The following PCDHGB5 variants were observed in gnomAD, a reference collection of about 807,000 sequenced individuals.
The protein encoded by PCDHGB5 is protocadherin gamma subfamily B, 5, also known as protocadherin gamma-B5.
A neutral mutation model predicts 62.9 loss-of-function variants in PCDHGB5; 48 were observed. That is an observed-to-expected ratio of 0.76 (90% CI 0.61 to 0.97). PCDHGB5 has a LOEUF of 0.97. Ranked by LOEUF, PCDHGB5 falls within the 50% of genes least tolerant of loss-of-function variation. The probability of loss-of-function intolerance (pLI) is 0.00; values close to 1 mark genes in which losing one functional copy is unlikely to be tolerated. For missense variants in PCDHGB5, 1,118 were observed against 1,198.6 expected, an observed-to-expected ratio of 0.93 and a Z score of 0.99; for synonymous variants, 474 against 511.2, an observed-to-expected ratio of 0.93 and a Z score of 0.98.
rs766083208 is a variant in PCDHGB5, at chr5:141,477,506, G to A, written c.2398-17301G>A. 1.9e-6 allele frequency: 3 copies of A among 1,614,028 alleles called. No homozygotes were observed. Among genetic ancestry groups the A allele is most frequent in the South Asian group, 2.2e-5 (2 of 91,076 alleles). ...ACAATCTTCTCAATCTTCCTACGAC[G>A]TTTACATTGAAGAAAACAACCTCCC... On this transcript the variant is annotated intron_variant, in intron 1 of 3. Transcript: ENST00000617380. This position sits in a 1 kb window ranked among gnomAD's most constrained non-coding sequence, Gnocchi z 4.9.
intron 1 of PCDHGB5, chr5:141,484,875 T>G: frequency 3.2e-6 from 1 of 317,108 alleles, no homozygotes; most frequent in Non-Finnish European, 5.8e-6. Context: ...GCGTGGAGGA[T>G]AGGGTGGGCT....
At chr5:141,496,021 G>T (rs1011612662) in intron 2 of PCDHGB5, among the ~76,000 whole-genome samples, 2 of 151,336 alleles carry the variant, frequency 1.3e-5, no homozygotes, top group African/African-American at 4.9e-5. Flanking sequence ...TTTTCTCTGA[G>T]CCTCTGTCTC....
chr5:141,409,750 G>T, intron 1 of PCDHGB5: 1 of 1,613,016 alleles, frequency 6.2e-7, no homozygotes, highest in South Asian at 1.1e-5. Context: ...TGGTGTTCGC[G>T]CAGCGCGCCT....
At chr5:141,405,830 G>A (rs1214599375) in intron 1 of PCDHGB5, among the ~76,000 whole-genome samples, 3 of 152,148 alleles carry the variant, frequency 2.0e-5, no homozygotes, top group East Asian at 1.9e-4. Flanking sequence ...ACTTAAGGTA[G>A]TATAAGTTGA....
chr5:141,404,934 C>G, intron 1 of PCDHGB5: 1 of 1,613,986 alleles, frequency 6.2e-7, no homozygotes. Context: ...GTCACGCTCA[C>G]AGTAGCCATA....
chr5:141,431,411 G>A lies in PCDHGB5; in HGVS notation c.2397+30887G>A. On this transcript the variant is annotated intron_variant, in intron 1 of 3. Coordinates refer to ENST00000617380, the MANE Select transcript of PCDHGB5 (RefSeq NM_018925.3). This position sits in a 1 kb window ranked among gnomAD's most constrained non-coding sequence, Gnocchi z 4.8. ...CCTGGTCCTTACGGCCTCCGACGGG[G>A]GCGACCCGGTGCGCACAGGCACCGC... 3 of 1,613,728 alleles carry A rather than the reference G, an allele frequency of 1.9e-6. No individual in the cohort carries two copies. The highest frequency in any genetic ancestry group is 2.5e-6 in the Non-Finnish European group (3 of 1,180,038).
chr5:141,457,997 G>A (rs2098934533), intron 1 of PCDHGB5, among the ~76,000 whole-genome samples: 1 of 152,152 alleles, frequency 6.6e-6, no homozygotes, highest in Non-Finnish European at 1.5e-5. Context: ...TAAAGCCTTG[G>A]CAAAATAACC....
At chr5:141,408,248 G>A in intron 1 of PCDHGB5, 1 of 1,593,412 alleles carries the variant, frequency 6.3e-7, no homozygotes, top group East Asian at 2.3e-5. Context: ...CCCGCGGCAG[G>A]TGCTATTTCC....
At chr5:141,467,565 C>A (rs2154569547) in intron 1 of PCDHGB5, among the ~76,000 whole-genome samples, 1 of 152,302 alleles carries the variant, frequency 6.6e-6, no homozygotes, top group East Asian at 1.9e-4. Context: ...TCCCAAATGG[C>A]TATCCAGTTG....
intron 1 of PCDHGB5, chr5:141,430,495 T>C: frequency 3.4e-6 from 1 of 293,400 alleles, no homozygotes; most frequent in Non-Finnish European, 6.2e-6. Context: ...GAAATATCCT[T>C]TCTGGGAGTT....
At chr5:141,414,919 G>A (rs2095801962) in intron 1 of PCDHGB5, 2 of 1,614,050 alleles carry the variant, frequency 1.2e-6, no homozygotes, top group African/African-American at 2.7e-5. Context: ...CGTGGAGCTG[G>A]CGCCCCGCTC....
intron 1 of PCDHGB5, among the ~76,000 whole-genome samples, chr5:141,447,851 C>A (rs961725006): frequency 6.6e-6 from 1 of 151,980 alleles, no homozygotes; most frequent in African/African-American, 2.4e-5. Flanking sequence ...TTTGGGAGGC[C>A]GAGGTGGGTG....
intron 1 of PCDHGB5, among the ~76,000 whole-genome samples, chr5:141,444,462 C>T (rs1314366280): frequency 3.3e-5 from 5 of 152,002 alleles, no homozygotes; most frequent in African/African-American, 9.7e-5. Flanking sequence ...TGAGTCACTG[C>T]GCCCGGTCGC....
At chr5:141,433,285 C>G in intron 1 of PCDHGB5, 1 of 1,169,826 alleles carries the variant, frequency 8.5e-7, no homozygotes, top group Non-Finnish European at 1.2e-6. Flanking sequence ...CCTCAAACTC[C>G]TAGGCTCAAG....
chr5:141,467,775 C>T (rs1464827506), intron 1 of PCDHGB5, among the ~76,000 whole-genome samples: 1 of 151,960 alleles, frequency 6.6e-6, no homozygotes, highest in Non-Finnish European at 1.5e-5. Context: ...GCCCGCACCT[C>T]AGCCTCTCAA....
chr5:141,415,096 G>A (rs1398998410), intron 1 of PCDHGB5: 3 of 1,613,462 alleles, frequency 1.9e-6, no homozygotes, highest in Non-Finnish European at 2.5e-6. Flanking sequence ...GGACAGAGAC[G>A]CGCTCAAGCA....
Position 141,487,333 on chromosome 5 carries a change from C to T in PCDHGB5, c.2398-7474C>T. 6.2e-7 allele frequency: 1 copy of T among 1,614,176 alleles called. No homozygotes were observed. The highest frequency in any genetic ancestry group is 8.5e-7 in the Non-Finnish European group (1 of 1,180,022). On this transcript the variant is annotated intron_variant, in intron 1 of 3. Transcript: ENST00000617380. The surrounding 1 kb of genome is among the most constrained non-coding windows in gnomAD (Gnocchi z 5.0). ...TCTCTAAGTGTCTTCGTGGGGCAGC[C>T]TGTGGAGTCACATGCTTTCCTGCTG...
chr5:141,423,648 G>T, intron 1 of PCDHGB5: 1 of 1,590,008 alleles, frequency 6.3e-7, no homozygotes, highest in Admixed American at 1.8e-5. Context: ...AATGTGACCC[G>T]ACAAGTAATC....
At position 141,431,942 on chromosome 5, in the gene PCDHGB5, G is replaced by A. The variant is rs1284808063; in HGVS notation, c.2397+31418G>A. 6.2e-7 allele frequency: 1 copy of A among 1,614,116 alleles called. No homozygotes were observed. The highest frequency in any genetic ancestry group is 2.2e-5 in the East Asian group (1 of 44,884). ...CCAAGGAAATCTGCCCTTTAAATTA[G>A]AAAAATCTTACGGAAATTACTATAG... On this transcript the variant is annotated intron_variant, in intron 1 of 3. Transcript: ENST00000617380. The surrounding 1 kb of genome is among the most constrained non-coding windows in gnomAD (Gnocchi z 4.8).
Sources: allele counts gnomAD v4.1 joint callset (sites outside exome capture counted in the v4.1 genomes callset), GRCh38; gene constraint gnomAD v4.1.1; non-coding constraint Gnocchi (gnomAD v3.1); transcripts MANE v1.5; gene names NCBI Gene and HGNC (gene_info 2026-07-23, HGNC 2026-07-21).